ABL1: variants seen among roughly 807,000 people sequenced by gnomAD.
The protein encoded by ABL1 is ABL proto-oncogene 1, non-receptor tyrosine kinase.
Under a neutral mutation model 94.7 loss-of-function variants are expected in ABL1, and 11 were observed. The ratio of observed to expected loss-of-function variants is 0.12; its 90% CI spans 0.07 to 0.19. The LOEUF (loss-of-function observed/expected upper bound fraction) is 0.19, where lower values mean the gene tolerates loss of function less well. Ranked by LOEUF, ABL1 falls within the 10% of genes least tolerant of loss-of-function variation. The probability of loss-of-function intolerance (pLI) is 1.00; values close to 1 mark genes in which losing one functional copy is unlikely to be tolerated. For missense variants in ABL1, 1,082 were observed against 1,489.4 expected (o/e 0.73, Z 4.50); for synonymous variants, 656 against 622.4 (o/e 1.05, Z -0.80).
chr9:130,764,351 T>C (rs1180311151), intron 1 of ABL1, among the ~76,000 whole-genome samples: 1 of 152,176 alleles, frequency 6.6e-6, no homozygotes, highest in East Asian at 1.9e-4. Flanking sequence ...TTTATTTCAT[T>C]ATTGCTGGAG....
At chr9:130,778,817 G>A (rs72765043) in intron 1 of ABL1, among the ~76,000 whole-genome samples, 13,694 of 151,834 alleles carry the variant, frequency 0.09, 715 homozygotes, top group South Asian at 0.16. Flanking sequence ...CATCTTGACC[G>A]GGAGCCCCAG....
chr9:130,798,230 T>A (rs1254277206), intron 1 of ABL1, among the ~76,000 whole-genome samples: 7 of 152,190 alleles, frequency 4.6e-5, no homozygotes. Flanking sequence ...GACATTTCTT[T>A]CCACATTGCA....
At chr9:130,764,695 T>C (rs1450873113) in intron 1 of ABL1, among the ~76,000 whole-genome samples, 1 of 152,164 alleles carries the variant, frequency 6.6e-6, no homozygotes, top group Admixed American at 6.5e-5. Context: ...CAGTGGCTCA[T>C]GCCTGTAATC....
At chr9:130,854,294 C>T (rs573419444) in intron 2 of ABL1, 57 bp downstream of exon 2, 11 of 1,573,722 alleles carry the variant, frequency 7.0e-6, no homozygotes, top group South Asian at 5.8e-5. Flanking sequence ...CTGGGAATTG[C>T]GGTTTGACCT....
chr9:130,850,625 G>A (rs1262081794), intron 1 of ABL1, among the ~76,000 whole-genome samples: 5 of 152,178 alleles, frequency 3.3e-5, no homozygotes, highest in African/African-American at 1.2e-4. Context: ...TCGTGCCTCA[G>A]CATCCTGAGT....
intron 1 of ABL1, among the ~76,000 whole-genome samples, chr9:130,800,244 T>A (rs1001035150): frequency 1.3e-5 from 2 of 152,068 alleles, no homozygotes; most frequent in African/African-American, 2.4e-5. Context: ...AAAGTACTTT[T>A]AAAAAAATTA....
At chr9:130,873,138 T>G in intron 6 of ABL1, 101 bp downstream of exon 6, 2 of 1,246,860 alleles carry the variant, frequency 1.6e-6, no homozygotes, top group South Asian at 1.5e-5. Context: ...AGGGCGCAGC[T>G]TCTAACCTCA....
chr9:130,841,237 T>C (rs1830665296), intron 1 of ABL1, among the ~76,000 whole-genome samples: 1 of 151,754 alleles, frequency 6.6e-6, no homozygotes, highest in African/African-American at 2.4e-5. Context: ...AAGCTCCGCC[T>C]CCTGGGTTCA....
Position 130,886,018 on chromosome 9 carries a change from C to A in ABL1, c.*335C>A. The A allele has an allele frequency of 3.1e-6, 1 of 326,126 alleles. No individual in the cohort carries two copies. The highest frequency in any genetic ancestry group is 5.6e-6 in the Non-Finnish European group (1 of 177,542). The allele number at this position is 326,126 out of a possible 1,614,324, so 20.2% of individuals were successfully genotyped here. ...CTGAGCTCTCCAGGCCAGGTGGGAA[C>A]GGCTGATGTGGACTGTCTTTTTCAT... On this transcript the variant is annotated 3_prime_UTR_variant, in exon 11 of 11. Coordinates refer to ENST00000318560, the MANE Select transcript of ABL1 (RefSeq NM_005157.6).
At chr9:130,843,359 A>G (rs1053917769) in intron 1 of ABL1, among the ~76,000 whole-genome samples, 1 of 152,212 alleles carries the variant, frequency 6.6e-6, no homozygotes, top group Non-Finnish European at 1.5e-5. Flanking sequence ...GTTGGCATCC[A>G]TGCAGAAATT....
rs905641517 is a variant in ABL1 at position 130,740,373 on chromosome 9, T to C, written c.136+25918T>C. 3.9e-5 allele frequency among the ~76,000 whole-genome samples: 6 copies of C among 152,292 alleles called. No homozygotes were observed. The East Asian group carries it at 1.2e-3, about 29-fold the overall frequency. On this transcript the variant is annotated intron_variant, in intron 1 of 10. Transcript: ENST00000372348. ...CTCCTGGAGAGCCGCTGGGCGGCAATTGTCATGCTAGGAGGAGGCCTCAGA... is the reference window on the plus strand; with the variant it reads ...CTCCTGGAGAGCCGCTGGGCGGCAACTGTCATGCTAGGAGGAGGCCTCAGA...
At chr9:130,864,940 C>A (rs994006587) in intron 4 of ABL1, among the ~76,000 whole-genome samples, 1 of 152,218 alleles carries the variant, frequency 6.6e-6, no homozygotes, top group African/African-American at 2.4e-5. Flanking sequence ...TGTCTGAAAA[C>A]TTCCAAGATC....
intron 1 of ABL1, among the ~76,000 whole-genome samples, chr9:130,817,973 C>T (rs926094241): frequency 6.6e-6 from 1 of 152,076 alleles, no homozygotes; most frequent in Admixed American, 6.6e-5. Context: ...AGTAGAATTG[C>T]TAGGTCGTAG....
rs574829040 is a variant in ABL1, at chr9:130,768,009, A to G, written c.136+53554A>G. 1.1e-4 allele frequency among the ~76,000 whole-genome samples: 16 copies of G among 152,324 alleles called. No homozygotes were observed. The South Asian group carries it at 1.4e-3, about 14-fold the overall frequency. ...AAAATTAGGAAATTTTAAGATTTCC[A>G]TCGTAATTTTTTTAAAACAATATAT... On this transcript the variant is annotated intron_variant, in intron 1 of 10. Coordinates refer to the ABL1 transcript ENST00000372348.
intron 1 of ABL1, among the ~76,000 whole-genome samples, chr9:130,823,010 C>T (rs1325828836): frequency 2.0e-5 from 3 of 151,980 alleles, no homozygotes; most frequent in African/African-American, 7.3e-5. Flanking sequence ...CTTGGCCAGA[C>T]GGGTCTCAAA....
chr9:130,867,873 G>A (rs1230545667), intron 4 of ABL1, among the ~76,000 whole-genome samples: 3 of 151,940 alleles, frequency 2.0e-5, no homozygotes, highest in African/African-American at 4.8e-5. Context: ...CTTTCCTCTC[G>A]AGCTTCAAGT....
In ABL1 at chr9:130,860,218, T is replaced by C. The variant is rs374850954; in HGVS notation, c.550-2545T>C. On this transcript the variant is annotated intron_variant, in intron 3 of 10. Transcript: ENST00000318560. ...AACTAATCAGAAGGAAGCACCAGCC[T>C]TGACTGTTAGTGGGACACGGGGAAG... Among the ~76,000 whole-genome samples the C allele has an allele frequency of 3.9e-5, 6 of 152,336 alleles. No homozygotes were observed. The East Asian group carries it at 9.6e-4, about 24-fold the overall frequency.
chr9:130,856,367 C>T (rs750224431), intron 3 of ABL1, among the ~76,000 whole-genome samples: 36 of 152,126 alleles, frequency 2.4e-4, no homozygotes, highest in Non-Finnish European at 3.1e-4. Context: ...GGATTACAGG[C>T]GTGAGCCACC....
chr9:130,825,121 G>A (rs1292942659), intron 1 of ABL1, among the ~76,000 whole-genome samples: 1 of 152,158 alleles, frequency 6.6e-6, no homozygotes, highest in East Asian at 1.9e-4. Flanking sequence ...CTAGGCTGCT[G>A]ACAGGATCTT....
Sources: gnomAD v4.1 joint callset for allele counts (sites outside exome capture counted in the v4.1 genomes callset) on GRCh38, gnomAD v4.1.1 for gene constraint, MANE v1.5 for transcripts, NCBI Gene and HGNC (gene_info 2026-07-23, HGNC 2026-07-21) for gene names.